Variants in SHISA4 observed in about 807,000 individuals in gnomAD.
SHISA4 encodes the protein shisa family member 4, also known as protein shisa-4.
Under a neutral mutation model 24.2 loss-of-function variants are expected in SHISA4, and 16 were observed. The observed-to-expected ratio is 0.66, with a 90% CI of 0.45 to 1.00. The LOEUF is 1.00. Among genes scored for constraint, SHISA4 ranks in the 50% least tolerant of loss-of-function variants. SHISA4 has a pLI of 0.00. For missense variants in SHISA4, 238 were observed against 258.9 expected (o/e 0.92, Z 0.55); for synonymous variants, 106 against 105.4 (o/e 1.01, Z -0.04).
rs754806451 is a variant in SHISA4, at chr1:201,889,611, C to T, written c.240C>T (p.Ala80=). The change falls in exon 2 of 5, where the codon GCC becomes GCT. Residue 80 remains alanine, a synonymous_variant. Transcript: ENST00000362011. The part of the protein sequence containing the change: ...ITERQQKHCL[A]FSPKTIAGIA... ...AGAGGCAGCAGAAGCACTGCCTGGC[C>T]TTCAGGTGGGTTCCTGCCTCCTCAC... 6.2e-7 allele frequency: 1 copy of T among 1,613,546 alleles called. No homozygotes were observed. Among genetic ancestry groups the T allele is most frequent in the South Asian group, 1.1e-5 (1 of 91,072 alleles).
At chr1:201,889,777 A>C (rs1236127890) in intron 2 of SHISA4, among the ~76,000 whole-genome samples, 161 bp downstream of exon 2, 3 of 152,198 alleles carry the variant, frequency 2.0e-5, no homozygotes, top group African/African-American at 7.2e-5. Context: ...CTAGGTGCTT[A>C]GGTGCTGGTG....
Position 201,890,596 on chromosome 1 carries a change from A to G in SHISA4, c.379+9A>G, listed in dbSNP as rs755538620. The stretch of plus-strand genomic sequence containing the variant: ...CCAGAGCCCATTTGAAGGTACACCC[A>G]GTACTGGGCAAGAAGGGCCTCAGAT... On this transcript the variant is annotated intron_variant, in intron 3 of 4. Transcript: ENST00000362011. 3.7e-6 allele frequency: 6 copies of G among 1,613,882 alleles called. No individual in the cohort carries two copies. Among genetic ancestry groups the G allele is most frequent in the Non-Finnish European group, 5.1e-6 (6 of 1,179,934 alleles).
Position 201,889,465 on chromosome 1 carries a change from C to A in SHISA4, c.94C>A (p.Leu32Met). The A allele has an allele frequency of 6.2e-7, 1 of 1,613,628 alleles. No homozygotes were observed. The highest frequency in any genetic ancestry group is 8.5e-7 in the Non-Finnish European group (1 of 1,180,012). The change falls in exon 2 of 5, where the codon CTG becomes ATG. Residue 32 changes from leucine (L) to methionine (M), a missense_variant. Coordinates refer to ENST00000362011, the MANE Select transcript of SHISA4 (RefSeq NM_198149.3). ...APLVLAGEDC[L>M]WYLDRNGSWH... Reference sequence around the variant, plus strand: ...CGCAGTGCTGGCCGGCGAGGACTGCCTGTGGTACCTGGACCGGAATGGCTC... The same window carrying A: ...CGCAGTGCTGGCCGGCGAGGACTGCATGTGGTACCTGGACCGGAATGGCTC...
chr1:201,888,826 G>C (rs1201827628), upstream of SHISA4: 13 of 401,904 alleles, frequency 3.2e-5, no homozygotes, highest in Middle Eastern at 1.3e-3. Flanking sequence ...GCGCGGAGCC[G>C]CGCCGGCTGG....
chr1:201,888,727 A>C, upstream of SHISA4: 2 of 339,160 alleles, frequency 5.9e-6, no homozygotes, highest in Non-Finnish European at 1.1e-5. Flanking sequence ...AGCCGGGGAC[A>C]GGGGGAGCAG....
chr1:201,891,723 C>T, intron 4 of SHISA4, 77 bp from the exon 5 acceptor site: 2 of 1,580,432 alleles, frequency 1.3e-6, no homozygotes, highest in Non-Finnish European at 1.7e-6. Flanking sequence ...TGGGTCCTGT[C>T]TGCCCCGGGG....
rs1204050252 is a variant in SHISA4 at position 201,889,524 on chromosome 1, C to T, written c.153C>T (p.Thr51=). Residue 51 remains threonine (T), a synonymous_variant, in exon 2 of 5, where the codon ACC becomes ACT. Coordinates refer to ENST00000362011, the MANE Select transcript of SHISA4 (RefSeq NM_198149.3). ...WHPGFNCEFF[T]FCCGTCYHRY... is the part of the protein sequence containing the mutation. ...CGGGGTTTAACTGCGAGTTCTTCAC[C>T]TTCTGCTGCGGGACCTGCTACCATC... The T allele has an allele frequency of 1.9e-6, 3 of 1,613,976 alleles. No homozygotes were observed. The highest frequency in any genetic ancestry group is 2.2e-5 in the South Asian group (2 of 91,088).
Position 201,889,374 on chromosome 1 carries a change from G to T in SHISA4, c.74-71G>T, listed in dbSNP as rs1005939862. The T allele has an allele frequency of 3.8e-6, 6 of 1,586,776 alleles. No homozygotes were observed. The Admixed American group carries it at 6.7e-5, about 18-fold the overall frequency. On this transcript the variant is annotated intron_variant, in intron 1 of 4. Transcript: ENST00000362011. ...GCCGTCAGGCTGGGGACCGCCGGGGGAGTGGGGCCGAGCGCGGCTGGGGAT... is the reference window on the plus strand; with the variant it reads ...GCCGTCAGGCTGGGGACCGCCGGGGTAGTGGGGCCGAGCGCGGCTGGGGAT...
chr1:201,889,448 T>C lies in SHISA4; in HGVS notation c.77T>C (p.Leu26Pro), dbSNP rs1432934551. 6.2e-7 allele frequency: 1 copy of C among 1,612,642 alleles called. No homozygotes were observed. The highest frequency in any genetic ancestry group is 2.2e-5 in the East Asian group (1 of 44,872). The change falls in exon 2 of 5, where the codon CTG (leucine) becomes CCG (proline). Residue 26 changes from leucine to proline, a missense_variant. Leu to Pro is a moderately conservative substitution (Grantham distance 98). Coordinates refer to ENST00000362011, the MANE Select transcript of SHISA4 (RefSeq NM_198149.3). ...ALLVLGAPLVLAGEDCLWYLD... is the reference protein window; with the variant it reads ...ALLVLGAPLVPAGEDCLWYLD... ...CACCCCCAATCCCTGCCCGCAGTGC[T>C]GGCCGGCGAGGACTGCCTGTGGTAC...
rs1205972942 is a variant in SHISA4 at position 201,892,536 on chromosome 1, C to T, written c.*690C>T. Among the ~76,000 whole-genome samples the T allele has an allele frequency of 1.3e-5, 2 of 152,114 alleles. No individual in the cohort carries two copies. Among genetic ancestry groups the T allele is most frequent in the African/African-American group, 4.8e-5 (2 of 41,420 alleles). ...ATTTTGCCACAGCTCTGAAGAGATG[C>T]TCGTTTGCACTACAGATATTCCCTG... On this transcript the variant is annotated 3_prime_UTR_variant, in exon 5 of 5. Coordinates refer to ENST00000362011, the MANE Select transcript of SHISA4 (RefSeq NM_198149.3).
chr1:201,892,116 C>T lies in SHISA4; in HGVS notation c.*270C>T, dbSNP rs554711117. On this transcript the variant is annotated 3_prime_UTR_variant, in exon 5 of 5. Coordinates refer to ENST00000362011, the MANE Select transcript of SHISA4 (RefSeq NM_198149.3). ...GGAGATGACAGCCTGGGTCACAGTG[C>T]CTGTTTTCAAATAGTCCCTCTGCTC... 28 of 465,488 alleles carry T rather than the reference C, an allele frequency of 6.0e-5. No homozygotes were observed. Among genetic ancestry groups the T allele is most frequent in the Admixed American group, 1.1e-4 (3 of 27,694 alleles). 28.8% of individuals were successfully genotyped at this position (465,488 alleles called of 1,614,324 possible). A position where few individuals can be genotyped will look rare whatever the true frequency, so the allele number is the denominator to read the frequency against.
intron 4 of SHISA4, 70 bp from the exon 5 acceptor site, chr1:201,891,730 G>A (rs995634566): frequency 2.1e-5 from 34 of 1,581,906 alleles, no homozygotes; most frequent in Admixed American, 1.2e-4. Flanking sequence ...TGTCTGCCCC[G>A]GGGGCAGGGG....
rs59264177 is a variant in SHISA4 at position 201,892,298 on chromosome 1, C to T, written c.*452C>T. On this transcript the variant is annotated 3_prime_UTR_variant, in exon 5 of 5. Transcript: ENST00000362011. Reference sequence around the variant, plus strand: ...GCCTGCTAGATTAAAGCTGTAAAGACATAACTCATATCAGTCGCATCATTG... The same window carrying T: ...GCCTGCTAGATTAAAGCTGTAAAGATATAACTCATATCAGTCGCATCATTG... The T allele has an allele frequency of 1.1e-3, 223 of 203,826 alleles. 1 individual carries two copies. The highest frequency in any genetic ancestry group is 5.1e-3 in the African/African-American group (216 of 42,650). 12.6% of individuals were successfully genotyped at this position (203,826 alleles called of 1,614,324 possible). A position where few individuals can be genotyped will look rare whatever the true frequency, so the allele number is the denominator to read the frequency against.
chr1:201,889,742 C>T, intron 2 of SHISA4, 126 bp downstream of exon 2: 3 of 1,157,388 alleles, frequency 2.6e-6, no homozygotes, highest in Non-Finnish European at 3.7e-6. Context: ...AATAGAGTCA[C>T]CAGGACTCAA....
chr1:201,889,590 G>T lies in SHISA4; in HGVS notation c.219G>T (p.Arg73Ser). The T allele has an allele frequency of 6.2e-7, 1 of 1,613,764 alleles. No individual in the cohort carries two copies. Residue 73 changes from arginine (R) to serine (S), a missense_variant, in exon 2 of 5, where the codon AGG becomes AGT. Transcript: ENST00000362011. ...ACCTGACCTTGCTTATCACCGAGAG[G>T]CAGCAGAAGCACTGCCTGGCCTTCA... is the stretch of plus-strand genomic sequence containing the variant. ...CRDLTLLITE[R>S]QQKHCLAFSP...
intron 4 of SHISA4, 38 bp from the exon 5 acceptor site, chr1:201,891,762 G>C (rs1325428263): frequency 3.7e-6 from 6 of 1,612,708 alleles, no homozygotes; most frequent in Non-Finnish European, 4.2e-6. Context: ...GTCCACCTAT[G>C]CCACCACTCA....
At chr1:201,890,077 T>G (rs1308939306) in intron 2 of SHISA4, among the ~76,000 whole-genome samples, 1 of 152,212 alleles carries the variant, frequency 6.6e-6, no homozygotes, top group Non-Finnish European at 1.5e-5. Context: ...CAAACTTTTT[T>G]TTAATATATC....
At position 201,891,544 on chromosome 1, in the gene SHISA4, G is replaced by A; in HGVS notation, c.523G>A (p.Gly175Arg). 1 of 1,612,882 alleles carries A rather than the reference G, an allele frequency of 6.2e-7. No individual in the cohort carries two copies. Among genetic ancestry groups the A allele is most frequent in the South Asian group, 1.1e-5 (1 of 90,928 alleles). ...TCCCCAATATCCACTCTACCCAGCT[G>A]GGCCCCCAGTCTACAACCCTGCAGG... ...PAPQYPLYPA[G>R]PPVYNPAAPP... The change falls in exon 4 of 5, where the codon GGG becomes AGG. Residue 175 changes from glycine (G) to arginine (R), a missense_variant. Physicochemically the swap from Gly to Arg is moderately radical, Grantham distance 125. Coordinates refer to ENST00000362011, the MANE Select transcript of SHISA4 (RefSeq NM_198149.3).
At chr1:201,890,638 A>G in intron 3 of SHISA4, 51 bp downstream of exon 3, 1 of 1,602,680 alleles carries the variant, frequency 6.2e-7, no homozygotes, top group Non-Finnish European at 8.5e-7. Context: ...GGCTAAGTCC[A>G]ATAATGGGCA....
Sources: gnomAD v4.1 joint callset for allele counts (sites outside exome capture counted in the v4.1 genomes callset) on GRCh38, gnomAD v4.1.1 for gene constraint, MANE v1.5 for transcripts, NCBI Gene and HGNC (gene_info 2026-07-23, HGNC 2026-07-21) for gene names.